QTMAN: variants seen among roughly 807,000 people sequenced by gnomAD.
The protein encoded by QTMAN is queuosine-tRNA mannosyltransferase.
the QTMAN span, among the ~76,000 whole-genome samples, chr2:144,070,123 G>A: frequency 6.6e-6 from 1 of 151,948 alleles, no homozygotes; most frequent in East Asian, 1.9e-4. Context: ...CCCATATTTT[G>A]AAATTCTCAA....
the QTMAN span, among the ~76,000 whole-genome samples, chr2:144,133,971 A>G: frequency 6.6e-6 from 1 of 152,154 alleles, no homozygotes; most frequent in Non-Finnish European, 1.5e-5. Flanking sequence ...TATGTCCAAC[A>G]TTAATACTGT....
the QTMAN span, among the ~76,000 whole-genome samples, chr2:144,248,425 AAAG>A: frequency 1.3e-5 from 2 of 152,244 alleles, no homozygotes; most frequent in African/African-American, 4.8e-5. Flanking sequence ...TCAGAAACAC[AAAG>A]AAAATAAATT....
chr2:143,998,431 GA>G, the QTMAN span, among the ~76,000 whole-genome samples: 1 of 150,260 alleles, frequency 6.7e-6, no homozygotes, highest in African/African-American at 2.5e-5. Flanking sequence ...AAAGACGACA[GA>G]AGGGGGGGGA....
the QTMAN span, among the ~76,000 whole-genome samples, chr2:144,106,607 A>G: frequency 1.3e-5 from 2 of 152,260 alleles, no homozygotes; most frequent in African/African-American, 4.8e-5. Flanking sequence ...TTCATAAAGC[A>G]AATCCTTACA....
chr2:144,144,350 A>C, the QTMAN span, among the ~76,000 whole-genome samples: 1 of 151,862 alleles, frequency 6.6e-6, no homozygotes, highest in African/African-American at 2.4e-5. Context: ...ACTTCCATTA[A>C]CTTTAAAGCC....
the QTMAN span, chr2:143,952,738 T>A: frequency 2.8e-5 from 37 of 1,305,440 alleles, no homozygotes; most frequent in Non-Finnish European, 3.7e-5. Context: ...ATATATTAAA[T>A]CTCAATAAAG....
chr2:144,051,207 G>GGT, the QTMAN span, among the ~76,000 whole-genome samples: 517 of 150,032 alleles, frequency 3.4e-3, 2 homozygotes, highest in African/African-American at 7.6e-3. Context: ...TAGTTTTTGG[G>GGT]GTGTGTGTGT....
the QTMAN span, among the ~76,000 whole-genome samples, chr2:144,163,630 T>C: frequency 1.3e-5 from 2 of 152,352 alleles, no homozygotes; most frequent in East Asian, 1.9e-4. Context: ...GGAATCATTG[T>C]GGTGTGCGTG....
the QTMAN span, among the ~76,000 whole-genome samples, chr2:144,219,766 G>A: frequency 6.6e-6 from 1 of 152,124 alleles, no homozygotes; most frequent in Non-Finnish European, 1.5e-5. Flanking sequence ...AGGTTGCAGT[G>A]AGCCGAAATC....
At chr2:144,322,388 CAT>C in the QTMAN span, among the ~76,000 whole-genome samples, 1 of 152,198 alleles carries the variant, frequency 6.6e-6, no homozygotes. Flanking sequence ...AGTAAGATAA[CAT>C]ATGTAATAAG....
chr2:144,056,447 A>C, the QTMAN span, among the ~76,000 whole-genome samples: 2 of 152,194 alleles, frequency 1.3e-5, no homozygotes, highest in Non-Finnish European at 2.9e-5. Flanking sequence ...CTCTTGCTTC[A>C]TTCTTTGCTC....
At chr2:144,038,818 G>A in the QTMAN span, among the ~76,000 whole-genome samples, 6 of 152,296 alleles carry the variant, frequency 3.9e-5, no homozygotes, top group African/African-American at 1.4e-4. Flanking sequence ...GGGATGGCAT[G>A]TGGATTTTAA....
At chr2:144,314,233 A>G in the QTMAN span, among the ~76,000 whole-genome samples, 1 of 152,234 alleles carries the variant, frequency 6.6e-6, no homozygotes, top group East Asian at 1.9e-4. Context: ...CCACTAATAC[A>G]TGCAACAACA....
At chr2:144,222,120 C>T in the QTMAN span, among the ~76,000 whole-genome samples, 113 of 151,798 alleles carry the variant, frequency 7.4e-4, no homozygotes, top group African/African-American at 2.5e-3. Context: ...AGTGCAGTGG[C>T]GTGATCTCGG....
At chr2:143,985,318 G>A in the QTMAN span, among the ~76,000 whole-genome samples, 6 of 152,342 alleles carry the variant, frequency 3.9e-5, no homozygotes, top group South Asian at 1.0e-3. Context: ...AAAGGGTCAA[G>A]GGAACTCTCC....
chr2:144,202,499 T>G, the QTMAN span, among the ~76,000 whole-genome samples: 2 of 152,298 alleles, frequency 1.3e-5, no homozygotes, highest in East Asian at 3.9e-4. Context: ...AAAATCAGAC[T>G]AATAGTCTCA....
the QTMAN span, among the ~76,000 whole-genome samples, chr2:143,990,403 T>G: frequency 6.6e-6 from 1 of 152,126 alleles, no homozygotes; most frequent in African/African-American, 2.4e-5. Flanking sequence ...GTTGGGATAG[T>G]TACCCTAGAT....
chr2:144,128,362 T>C, the QTMAN span: 1 of 152,056 alleles, frequency 6.6e-6, no homozygotes, highest in East Asian at 1.9e-4. Context: ...TGGAGTTCAC[T>C]GAGTCATATG....
chr2:144,312,061 A>G, the QTMAN span, among the ~76,000 whole-genome samples: 4 of 152,300 alleles, frequency 2.6e-5, no homozygotes, highest in South Asian at 6.2e-4. Context: ...AAAACCCCAG[A>G]TAAATTCCAT....
Sources: allele counts gnomAD v4.1 joint callset (sites outside exome capture counted in the v4.1 genomes callset), GRCh38; gene constraint gnomAD v4.1.1; transcripts MANE v1.5; gene names NCBI Gene and HGNC (gene_info 2026-07-23, HGNC 2026-07-21).